The following PMEPA1 variants were observed in gnomAD, a reference collection of about 807,000 sequenced individuals.
PMEPA1 encodes prostate transmembrane protein, androgen induced 1.
In PMEPA1, 11 loss-of-function variants were observed where a neutral mutation model predicts 23.0. The ratio of observed to expected loss-of-function variants is 0.48; its 90% CI spans 0.30 to 0.79. The LOEUF (loss-of-function observed/expected upper bound fraction) is 0.79, where lower values mean the gene tolerates loss of function less well. Among genes scored for constraint, PMEPA1 ranks in the 30% least tolerant of loss-of-function variants. The pLI is 0.06. For synonymous variants in PMEPA1, 204 were observed against 166.4 expected (o/e 1.23, Z -1.74); for missense variants, 377 against 390.9 (o/e 0.96, Z 0.30).
At chr20:57,705,059 T>C (rs1325500884) in intron 1 of PMEPA1, among the ~76,000 whole-genome samples, 1 of 152,080 alleles carries the variant, frequency 6.6e-6, no homozygotes, top group Non-Finnish European at 1.5e-5. Flanking sequence ...TTTTAACCAT[T>C]CCCAACCCAA....
At chr20:57,658,069 G>A (rs749699777) in intron 2 of PMEPA1, among the ~76,000 whole-genome samples, 1 of 152,224 alleles carries the variant, frequency 6.6e-6, no homozygotes, top group Non-Finnish European at 1.5e-5. Flanking sequence ...CCTGCTGAAG[G>A]ATACCGAACA....
upstream of PMEPA1, chr20:57,711,063 T>G (rs527644422): frequency 6.6e-6 from 1 of 152,352 alleles, no homozygotes; most frequent in East Asian, 1.9e-4. Flanking sequence ...GGAAGTCGCT[T>G]GTTGAAAGTC....
At chr20:57,709,363 G>T in intron 1 of PMEPA1, 111 bp downstream of exon 1, 1 of 748,346 alleles carries the variant, frequency 1.3e-6, no homozygotes. Context: ...CGGGCGCAGG[G>T]CGTTCGGTCC....
At chr20:57,661,213 G>A (rs976511290) in intron 1 of PMEPA1, among the ~76,000 whole-genome samples, 1 of 152,236 alleles carries the variant, frequency 6.6e-6, no homozygotes, top group Non-Finnish European at 1.5e-5. Flanking sequence ...ATAGGAAGAA[G>A]GTTATTTTGA....
chr20:57,678,464 T>C (rs2071668796), intron 1 of PMEPA1, among the ~76,000 whole-genome samples: 2 of 152,312 alleles, frequency 1.3e-5, no homozygotes, highest in East Asian at 1.9e-4. Context: ...CCTTAAGCGG[T>C]CCTTAGGGCC....
intron 1 of PMEPA1, among the ~76,000 whole-genome samples, chr20:57,671,253 G>A (rs753991574): frequency 1.3e-5 from 2 of 152,172 alleles, no homozygotes; most frequent in Non-Finnish European, 2.9e-5. Flanking sequence ...CACAGTGAGC[G>A]AGCAGTCAGT....
chr20:57,703,379 C>A (rs545634882), intron 1 of PMEPA1, among the ~76,000 whole-genome samples: 1 of 152,344 alleles, frequency 6.6e-6, no homozygotes, highest in Admixed American at 6.5e-5. Context: ...GCTTTCTGCT[C>A]CCAGGTTAGG....
At chr20:57,667,308 G>T (rs203392) in intron 1 of PMEPA1, among the ~76,000 whole-genome samples, 3 of 152,054 alleles carry the variant, frequency 2.0e-5, no homozygotes, top group Admixed American at 6.5e-5. Context: ...GATCCCTGTT[G>T]GGACGTTTCA....
In PMEPA1 at chr20:57,656,215, AGCACAAGGGGCCTGGGGGAATTC is replaced by A. The variant is rs1166711594; in HGVS notation, c.265-3152_265-3130del. ...GAGATACTGAATTCCCCCACAGCCCAGCACAAGGGGCCTGGGGGAATTCGGTATCTCCTGAGGCCATGGGAGTG... is the reference window on the plus strand; with the variant it reads ...GAGATACTGAATTCCCCCACAGCCCAGGTATCTCCTGAGGCCATGGGAGTG... On this transcript the variant is annotated intron_variant, in intron 2 of 3. Transcript: ENST00000341744. This position sits in a 1 kb window ranked among gnomAD's most constrained non-coding sequence, Gnocchi z 4.7. Among the ~76,000 whole-genome samples the A allele has an allele frequency of 1.3e-5, 2 of 150,180 alleles. No homozygotes were observed. The highest frequency in any genetic ancestry group is 3.0e-5 in the Non-Finnish European group (2 of 67,166).
At chr20:57,660,126 C>T (rs564548703) in intron 1 of PMEPA1, among the ~76,000 whole-genome samples, 4 of 152,252 alleles carry the variant, frequency 2.6e-5, no homozygotes, top group South Asian at 2.1e-4. Context: ...CTCGGGCAGA[C>T]GGTCACAGAC....
intron 1 of PMEPA1, among the ~76,000 whole-genome samples, chr20:57,695,864 A>G (rs2071937359): frequency 6.6e-6 from 1 of 152,126 alleles, no homozygotes; most frequent in Non-Finnish European, 1.5e-5. Context: ...GCCCCATCCC[A>G]GAGGTAGTGG....
rs144699511 is a variant in PMEPA1, at chr20:57,653,119, T to TG, written c.265-34dup. 209 of 1,549,060 alleles carry TG rather than the reference T, an allele frequency of 1.3e-4. 1 individual carries two copies. In the African/African-American group the frequency reaches 2.6e-3, roughly 19 times the overall value. The stretch of plus-strand genomic sequence containing the variant: ...GGAAGAAACGTACAAGCAGGGTCAG[T>TG]GGGGTGGGCAGGAGGGACAGCAAAG... On this transcript the variant is annotated intron_variant, in intron 2 of 3. Coordinates refer to ENST00000341744, the MANE Select transcript of PMEPA1 (RefSeq NM_020182.5).
intron 2 of PMEPA1, among the ~76,000 whole-genome samples, chr20:57,658,427 T>C (rs1380389856): frequency 6.6e-6 from 1 of 152,048 alleles, no homozygotes; most frequent in African/African-American, 2.4e-5. Context: ...CCCATCCAAC[T>C]CACCAGCAGC....
chr20:57,677,850 G>A (rs1367904831), intron 1 of PMEPA1, among the ~76,000 whole-genome samples: 1 of 152,188 alleles, frequency 6.6e-6, no homozygotes, highest in African/African-American at 2.4e-5. Context: ...TTCATACCTT[G>A]GAACACTACG....
chr20:57,711,251 G>A (rs1370704669), upstream of PMEPA1: 1 of 152,238 alleles, frequency 6.6e-6, no homozygotes. Context: ...TTGTTACTGT[G>A]TTTGTAACAG....
intron 1 of PMEPA1, among the ~76,000 whole-genome samples, chr20:57,666,882 G>A (rs768467548): frequency 6.6e-6 from 1 of 152,202 alleles, no homozygotes; most frequent in Non-Finnish European, 1.5e-5. Context: ...GACAAGCCCC[G>A]AGGGGCAGCA....
At chr20:57,673,978 GA>G (rs1281510242) in intron 1 of PMEPA1, among the ~76,000 whole-genome samples, 2 of 152,232 alleles carry the variant, frequency 1.3e-5, no homozygotes, top group Non-Finnish European at 2.9e-5. Flanking sequence ...CCCAAAGCCT[GA>G]CAAGTGGTGG....
At position 57,709,810 on chromosome 20, in the gene PMEPA1, GGCGTCGGCA is replaced by G. The variant is rs576337347; in HGVS notation, c.-237_-229del. On this transcript the variant is annotated 5_prime_UTR_variant, in exon 1 of 4. Coordinates refer to ENST00000341744, the MANE Select transcript of PMEPA1 (RefSeq NM_020182.5). ...CCGGCCTCCCCTCGGCAGCCCCGGG[GGCGTCGGCA>G]GTGCCCGCGGGTGGCGTCCGGAAAA... The G allele has an allele frequency of 3.7e-3, 3,633 of 984,500 alleles. 22 individuals are homozygous for G. The highest frequency in any genetic ancestry group is 0.035 in the East Asian group (302 of 8,666). 61.0% of individuals were successfully genotyped at this position (984,500 alleles called of 1,614,324 possible).
rs1222503575 is a variant in PMEPA1 at position 57,683,022 on chromosome 20, T to C, written c.110-23325A>G. Among the ~76,000 whole-genome samples the C allele has an allele frequency of 6.6e-6, 1 of 152,160 alleles. No individual in the cohort carries two copies. The highest frequency in any genetic ancestry group is 2.4e-5 in the African/African-American group (1 of 41,448). ...AAAAAAGAGTCCAAGCCTCCCAGGT[T>C]TGAGCTCTAAAAGCCAGACCTTTTT... On this transcript the variant is annotated intron_variant, in intron 1 of 3. Coordinates refer to ENST00000341744, the MANE Select transcript of PMEPA1 (RefSeq NM_020182.5). This position sits in a 1 kb window ranked among gnomAD's most constrained non-coding sequence, Gnocchi z 4.3.
Sources: gnomAD v4.1 joint callset for allele counts (sites outside exome capture counted in the v4.1 genomes callset) on GRCh38, gnomAD v4.1.1 for gene constraint, Gnocchi (gnomAD v3.1) non-coding constraint, MANE v1.5 for transcripts, NCBI Gene and HGNC (gene_info 2026-07-23, HGNC 2026-07-21) for gene names.